The following GORASP2 variants were observed in gnomAD, a reference collection of about 807,000 sequenced individuals.
The protein encoded by GORASP2 is Golgi reassembly-stacking protein 2.
GORASP2 carries 22 observed loss-of-function variants against 45.7 expected under a neutral mutation model. That is an observed-to-expected ratio of 0.48 (90% CI 0.34 to 0.69). The LOEUF is 0.69. Ranked by LOEUF, GORASP2 falls within the 30% of genes least tolerant of loss-of-function variation. The pLI is 0.01. For missense variants in GORASP2, 491 were observed against 562.7 expected (o/e 0.87, Z 1.29); for synonymous variants, 221 against 215.6 (o/e 1.02, Z -0.22).
At chr2:170,947,457 AC>A (rs1210711066) in intron 1 of GORASP2, among the ~76,000 whole-genome samples, 1 of 152,076 alleles carries the variant, frequency 6.6e-6, no homozygotes, top group East Asian at 1.9e-4. Context: ...ATTCCTTATC[AC>A]TTTTTATGTC....
chr2:170,932,835 T>G (rs1292665777), intron 1 of GORASP2, among the ~76,000 whole-genome samples: 1 of 152,184 alleles, frequency 6.6e-6, no homozygotes, highest in Non-Finnish European at 1.5e-5. Flanking sequence ...AAAGTTATCT[T>G]AAGAGGTTAA....
At position 170,949,717 on chromosome 2, in the gene GORASP2, C is replaced by T. The variant is rs761964607; in HGVS notation, c.323C>T (p.Ala108Val). The T allele has an allele frequency of 8.7e-6, 14 of 1,613,532 alleles. No individual in the cohort carries two copies. The highest frequency in any genetic ancestry group is 1.2e-5 in the Non-Finnish European group (14 of 1,179,526). ...VSIRFCSFDG[A>V]NENVWHVLEV... ...ATTCGTTTCTGCAGCTTTGATGGGG[C>T]AAATGAAAATGTTTGGCATGTGCTG... Residue 108 changes from alanine (A) to valine (V), a missense_variant, in exon 3 of 10, where the codon GCA (alanine) becomes GTA (valine). Physicochemically the swap from Ala to Val is moderately conservative, Grantham distance 64. Coordinates refer to ENST00000234160, the MANE Select transcript of GORASP2 (RefSeq NM_015530.5).
chr2:170,930,401 T>C (rs1703790879), intron 1 of GORASP2, among the ~76,000 whole-genome samples: 1 of 152,018 alleles, frequency 6.6e-6, no homozygotes, highest in South Asian at 2.1e-4. Flanking sequence ...TGTAATAGAG[T>C]GTCACTCAAT....
In GORASP2 at chr2:170,966,510, A is replaced by G; in HGVS notation, c.*380A>G. 1 of 254,426 alleles carries G rather than the reference A, an allele frequency of 3.9e-6. No individual in the cohort carries two copies. Among genetic ancestry groups the G allele is most frequent in the Non-Finnish European group, 7.6e-6 (1 of 131,390 alleles). 15.8% of individuals were successfully genotyped at this position (254,426 alleles called of 1,614,324 possible). A position where few individuals can be genotyped will look rare whatever the true frequency, so the allele number is the denominator to read the frequency against. On this transcript the variant is annotated 3_prime_UTR_variant, in exon 10 of 10. Transcript: ENST00000234160. ...GAAATATTCTATGCCTAATACTCAC[A>G]CGCAACATTTCTTGTACTTTGTAAG... is the stretch of plus-strand genomic sequence containing the variant.
At chr2:170,951,550 A>G in intron 5 of GORASP2, 92 bp downstream of exon 5, 2 of 1,048,736 alleles carry the variant, frequency 1.9e-6, no homozygotes, top group Non-Finnish European at 1.4e-6. Context: ...GAAAGAAATT[A>G]CTGGTTTATT....
intron 1 of GORASP2, chr2:170,929,727 C>G (rs375947568): frequency 1.7e-5 from 10 of 572,380 alleles, no homozygotes; most frequent in Admixed American, 2.2e-5. Flanking sequence ...TCCTCCACCC[C>G]CCCTCATTTT....
intron 1 of GORASP2, among the ~76,000 whole-genome samples, chr2:170,937,810 C>T (rs996917400): frequency 3.9e-5 from 6 of 152,016 alleles, no homozygotes; most frequent in Admixed American, 3.9e-4. Context: ...GAGATCCTGT[C>T]TCTAAAAAAA....
intron 1 of GORASP2, among the ~76,000 whole-genome samples, chr2:170,945,382 A>G (rs1022270772): frequency 6.6e-6 from 1 of 151,960 alleles, no homozygotes; most frequent in Non-Finnish European, 1.5e-5. Flanking sequence ...GCTAGAAAAA[A>G]TTTAAAAATT....
rs758102321 is a variant in GORASP2, at chr2:170,951,346, C to T, written c.454C>T (p.Leu152Phe). 6.8e-6 allele frequency: 11 copies of T among 1,608,020 alleles called. No homozygotes were observed. In the Admixed American group the frequency reaches 1.9e-4, roughly 28 times the overall value. ...TTTGCAGTCTGAAGATCTATTCAGCCTTATCGAAACACATGAAGCAAAACC... is the reference window on the plus strand; with the variant it reads ...TTTGCAGTCTGAAGATCTATTCAGCTTTATCGAAACACATGAAGCAAAACC... ...VMNESEDLFS[L>F]IETHEAKPLK... Residue 152 changes from leucine to phenylalanine, a missense_variant, in exon 5 of 10, where the codon CTT (leucine) becomes TTT (phenylalanine). This residue lies in a region of GORASP2 where 194 missense variants were observed against 270.4 expected (regional missense o/e 0.72). Coordinates refer to ENST00000234160, the MANE Select transcript of GORASP2 (RefSeq NM_015530.5).
intron 1 of GORASP2, among the ~76,000 whole-genome samples, chr2:170,947,880 G>A (rs1704213466): frequency 6.6e-6 from 1 of 152,162 alleles, no homozygotes; most frequent in Admixed American, 6.5e-5. Context: ...CAGCACTTTG[G>A]GAGGTTGAGG....
intron 5 of GORASP2, chr2:170,954,393 G>T: frequency 2.7e-6 from 1 of 366,944 alleles, no homozygotes; most frequent in Admixed American, 4.3e-5. Flanking sequence ...GAAAAATAAA[G>T]GAGTAAGGGT....
rs771526770 is a variant in GORASP2, at chr2:170,966,622, A to G, written c.*492A>G. ...GGTCTCCGTGAGTCGCATCTCTACT[A>G]AGGTTTACACAGGAATTCCACCTGA... On this transcript the variant is annotated 3_prime_UTR_variant, in exon 10 of 10. Coordinates refer to ENST00000234160, the MANE Select transcript of GORASP2 (RefSeq NM_015530.5). The G allele has an allele frequency of 1.3e-4, 23 of 177,232 alleles. No individual in the cohort carries two copies. Among genetic ancestry groups the G allele is most frequent in the Non-Finnish European group, 2.3e-4 (19 of 82,756 alleles). The allele number at this position is 177,232 out of a possible 1,614,324, so 11.0% of individuals were successfully genotyped here.
chr2:170,941,476 C>G (rs1281102543), intron 1 of GORASP2, among the ~76,000 whole-genome samples: 1 of 152,154 alleles, frequency 6.6e-6, no homozygotes, highest in African/African-American at 2.4e-5. Flanking sequence ...TGAATTTTCA[C>G]AAGCAACACA....
chr2:170,953,240 C>T (rs1315270306), intron 5 of GORASP2, among the ~76,000 whole-genome samples: 1 of 152,012 alleles, frequency 6.6e-6, no homozygotes, highest in African/African-American at 2.4e-5. Flanking sequence ...CCTATAGTCC[C>T]AGCTACTCAG....
At position 170,936,714 on chromosome 2, in the gene GORASP2, A is replaced by G. The variant is rs1400789681; in HGVS notation, c.63+7311A>G. 7.6e-6 allele frequency: 8 copies of G among 1,054,030 alleles called. No individual in the cohort carries two copies. The East Asian group carries it at 2.4e-4, about 31-fold the overall frequency. 65.3% of individuals were successfully genotyped at this position (1,054,030 alleles called of 1,614,324 possible). ...TGCACCTGTAATCCCAGCTACTCCA[A>G]TCAGGAGACTGAGGTGAGGTGGGGG... is the stretch of plus-strand genomic sequence containing the variant. On this transcript the variant is annotated intron_variant, in intron 1 of 9. Transcript: ENST00000234160.
At chr2:170,944,986 C>G (rs1361170079) in intron 1 of GORASP2, among the ~76,000 whole-genome samples, 4 of 152,166 alleles carry the variant, frequency 2.6e-5, no homozygotes, top group Admixed American at 2.0e-4. Flanking sequence ...CATTTCACAT[C>G]TAGTTGATCT....
chr2:170,933,504 C>G (rs930925335), intron 1 of GORASP2, among the ~76,000 whole-genome samples: 1 of 152,120 alleles, frequency 6.6e-6, no homozygotes. Flanking sequence ...GCTATACATT[C>G]GCTCAAAATT....
intron 1 of GORASP2, among the ~76,000 whole-genome samples, chr2:170,946,568 C>T (rs956903889): frequency 6.6e-6 from 1 of 152,044 alleles, no homozygotes; most frequent in African/African-American, 2.4e-5. Context: ...TAATCTCACT[C>T]TTTCATTTAA....
intron 1 of GORASP2, among the ~76,000 whole-genome samples, chr2:170,930,613 A>G (rs1246745322): frequency 1.3e-5 from 2 of 152,112 alleles, no homozygotes; most frequent in African/African-American, 4.8e-5. Context: ...ATTACACTAA[A>G]AATCCCTCCT....
Sources: allele counts gnomAD v4.1 joint callset (sites outside exome capture counted in the v4.1 genomes callset), GRCh38; gene constraint gnomAD v4.1.1; regional missense constraint gnomAD v4.1.1; transcripts MANE v1.5; gene names NCBI Gene and HGNC (gene_info 2026-07-23, HGNC 2026-07-21).